BIVM: variants seen among roughly 807,000 people sequenced by gnomAD.
BIVM encodes the protein basic immunoglobulin-like variable motif-containing protein.
A neutral mutation model predicts 61.4 loss-of-function variants in BIVM; 31 were observed. That is an observed-to-expected ratio of 0.51 (90% CI 0.38 to 0.68). The LOEUF (loss-of-function observed/expected upper bound fraction) is 0.68. Among genes scored for constraint, BIVM ranks in the 30% least tolerant of loss-of-function variants. The pLI is 0.00. For synonymous variants in BIVM, 189 were observed against 210.7 expected, an observed-to-expected ratio of 0.90 and a Z score of 0.89; for missense variants, 526 against 596.0, an observed-to-expected ratio of 0.88 and a Z score of 1.22.
Position 102,807,507 on chromosome 13 carries a change from C to T in BIVM, c.240C>T (p.Thr80=). The T allele has an allele frequency of 6.2e-7, 1 of 1,614,172 alleles. No homozygotes were observed. The highest frequency in any genetic ancestry group is 8.5e-7 in the Non-Finnish European group (1 of 1,180,042). Residue 80 remains threonine (T), a synonymous_variant, in exon 3 of 11, where the codon ACC becomes ACT. Transcript: ENST00000257336. This position sits in a 1 kb window ranked among gnomAD's most constrained non-coding sequence, Gnocchi z 4.0. ...ACTATGCCTTTCTCAACCAGGCGACCTCAATCTATAAAACTCCAAATCCAT... is the reference window on the plus strand; with the variant it reads ...ACTATGCCTTTCTCAACCAGGCGACTTCAATCTATAAAACTCCAAATCCAT... The part of the protein sequence containing the change: ...CSDYAFLNQA[T]SIYKTPNPSR...
rs746839088 is a variant in BIVM at position 102,807,770 on chromosome 13, T to C, written c.478+25T>C. On this transcript the variant is annotated intron_variant, in intron 3 of 10. Coordinates refer to ENST00000257336, the MANE Select transcript of BIVM (RefSeq NM_017693.4). This position sits in a 1 kb window ranked among gnomAD's most constrained non-coding sequence, Gnocchi z 4.0. ...GGTAAGGAGGGAGCCATGAAGTTCA[T>C]ATGTGAAAATAATGAGAAAACAAAC... 8 of 1,567,850 alleles carry C rather than the reference T, an allele frequency of 5.1e-6. No homozygotes were observed. Among genetic ancestry groups the C allele is most frequent in the Non-Finnish European group, 1.7e-6 (2 of 1,159,084 alleles).
intron 3 of BIVM, among the ~76,000 whole-genome samples, chr13:102,809,198 A>G (rs1879312589): frequency 6.6e-6 from 1 of 152,208 alleles, no homozygotes; most frequent in Non-Finnish European, 1.5e-5. Context: ...CAGCTCACAA[A>G]TTTTGATATG....
intron 9 of BIVM, among the ~76,000 whole-genome samples, chr13:102,834,834 A>G (rs1881351790): frequency 6.6e-6 from 1 of 152,194 alleles, no homozygotes; most frequent in African/African-American, 2.4e-5. Flanking sequence ...TTTTTGCATC[A>G]ATATCTTAAG....
chr13:102,819,120 A>G (rs183214774), intron 4 of BIVM, among the ~76,000 whole-genome samples: 21 of 152,308 alleles, frequency 1.4e-4, no homozygotes, highest in Middle Eastern at 3.4e-3. Context: ...CTTGTCCACA[A>G]AGGTCTCTTA....
At chr13:102,833,288 T>C (rs1881225035) in intron 8 of BIVM, among the ~76,000 whole-genome samples, 1 of 148,534 alleles carries the variant, frequency 6.7e-6, no homozygotes, top group African/African-American at 2.5e-5. Context: ...CATGAGTACT[T>C]TGAGCAAAGG....
Position 102,839,555 on chromosome 13 carries a change from C to T in BIVM, c.1219-17C>T, listed in dbSNP as rs1881702151. On this transcript the variant is annotated splice_polypyrimidine_tract_variant and intron_variant, in intron 10 of 10. Coordinates refer to ENST00000257336, the MANE Select transcript of BIVM (RefSeq NM_017693.4). ...ATTTCCCTTTATTTTCTTCAGCCAA[C>T]ATTTTTTTCTTCTCAGGTTGGGGGA... 2 of 1,609,810 alleles carry T rather than the reference C, an allele frequency of 1.2e-6. No individual in the cohort carries two copies. The highest frequency in any genetic ancestry group is 1.3e-5 in the African/African-American group (1 of 74,576).
rs764716131 is a variant in BIVM, at chr13:102,816,558, A to C, written c.605+4A>C. The C allele has an allele frequency of 2.6e-6, 4 of 1,518,312 alleles. No homozygotes were observed. Among genetic ancestry groups the C allele is most frequent in the Non-Finnish European group, 3.5e-6 (4 of 1,140,614 alleles). The allele number at this position is 1,518,312 out of a possible 1,614,324, so 94.1% of individuals were successfully genotyped here. A position where few individuals can be genotyped will look rare whatever the true frequency, so the allele number is the denominator to read the frequency against. On this transcript the variant is annotated splice_donor_region_variant and intron_variant, in intron 4 of 10. Transcript: ENST00000257336. Reference sequence around the variant, plus strand: ...AAGTATTAGACCTCAGACGATGGTGATGTTATCAGTTTTTATTTTTTTCAT... The same window carrying C: ...AAGTATTAGACCTCAGACGATGGTGCTGTTATCAGTTTTTATTTTTTTCAT...
At position 102,815,126 on chromosome 13, in the gene BIVM, A is replaced by G. The variant is rs184432779; in HGVS notation, c.479-1302A>G. ...GTTTCTTGACTTTATAGTCTTCATT[A>G]TTATTACATTTTTACAGAAATTCCC... On this transcript the variant is annotated intron_variant, in intron 3 of 10. Coordinates refer to ENST00000257336, the MANE Select transcript of BIVM (RefSeq NM_017693.4). 2.6e-5 allele frequency among the ~76,000 whole-genome samples: 4 copies of G among 152,330 alleles called. No homozygotes were observed. The East Asian group carries it at 5.8e-4, about 22-fold the overall frequency.
Position 102,807,663 on chromosome 13 carries a change from C to T in BIVM, c.396C>T (p.Asn132=). Residue 132 remains asparagine (N), a synonymous_variant, in exon 3 of 11, where the codon AAC becomes AAT. Transcript: ENST00000257336. This position sits in a 1 kb window ranked among gnomAD's most constrained non-coding sequence, Gnocchi z 4.0. ...NEENSLENLS[N]SLGKLPLAWE... is the part of the protein sequence containing the mutation. ...AAAATAGCTTGGAAAACTTATCCAA[C>T]AGCCTGGGCAAGCTACCTCTCGCAT... 1.2e-6 allele frequency: 2 copies of T among 1,614,152 alleles called. No homozygotes were observed. Among genetic ancestry groups the T allele is most frequent in the Non-Finnish European group, 1.7e-6 (2 of 1,180,042 alleles).
intron 3 of BIVM, among the ~76,000 whole-genome samples, chr13:102,815,344 C>G (rs1181343636): frequency 6.6e-6 from 1 of 152,012 alleles, no homozygotes; most frequent in African/African-American, 2.4e-5. Flanking sequence ...TATAACAGAA[C>G]TGTTTTAAAA....
intron 3 of BIVM, among the ~76,000 whole-genome samples, chr13:102,811,803 G>A (rs1048351346): frequency 7.9e-5 from 12 of 152,222 alleles, no homozygotes; most frequent in Admixed American, 2.6e-4. Context: ...GATTACAGGC[G>A]TGAGCCACCG....
chr13:102,835,158 C>T (rs1304757277), intron 9 of BIVM, among the ~76,000 whole-genome samples: 1 of 152,000 alleles, frequency 6.6e-6, no homozygotes, highest in African/African-American at 2.4e-5. Flanking sequence ...GTGGGAGGAT[C>T]GCTTGAGCCC....
intron 9 of BIVM, among the ~76,000 whole-genome samples, chr13:102,835,225 A>T (rs571204711): frequency 6.6e-6 from 1 of 152,178 alleles, no homozygotes; most frequent in East Asian, 1.9e-4. Flanking sequence ...CAAAAAAATT[A>T]AAAAATGAGG....
chr13:102,799,775 A>G (rs1397663783), intron 1 of BIVM, among the ~76,000 whole-genome samples: 1 of 152,228 alleles, frequency 6.6e-6, no homozygotes, highest in Non-Finnish European at 1.5e-5. Flanking sequence ...AGTAGGGGGA[A>G]GAGCTGTGTC....
At chr13:102,832,570 C>T (rs972264634) in intron 8 of BIVM, among the ~76,000 whole-genome samples, 7 of 152,334 alleles carry the variant, frequency 4.6e-5, no homozygotes, top group African/African-American at 1.7e-4. Context: ...CACAGTGCCT[C>T]ATCCAACGTC....
chr13:102,801,506 G>C (rs376625795), intron 1 of BIVM: 1 of 152,172 alleles, frequency 6.6e-6, no homozygotes, highest in Admixed American at 6.5e-5. Context: ...ACCCGCCTCA[G>C]CCTCCCAAAG....
intron 7 of BIVM, among the ~76,000 whole-genome samples, chr13:102,829,478 A>G (rs1387248709): frequency 1.3e-5 from 2 of 152,160 alleles, no homozygotes; most frequent in Non-Finnish European, 2.9e-5. Context: ...AGCTTCCCTC[A>G]GTAATACATT....
At chr13:102,809,667 C>G (rs1879342281) in intron 3 of BIVM, among the ~76,000 whole-genome samples, 3 of 152,138 alleles carry the variant, frequency 2.0e-5, no homozygotes, top group African/African-American at 7.2e-5. Context: ...TGTCTAATAA[C>G]AGAAAATTTA....
chr13:102,838,351 T>C (rs1242942165), intron 9 of BIVM, among the ~76,000 whole-genome samples: 5 of 152,248 alleles, frequency 3.3e-5, no homozygotes, highest in African/African-American at 4.8e-5. Flanking sequence ...AAAGGAAATA[T>C]AGCATATTGC....
Sources: allele counts gnomAD v4.1 joint callset (sites outside exome capture counted in the v4.1 genomes callset), GRCh38; gene constraint gnomAD v4.1.1; non-coding constraint Gnocchi (gnomAD v3.1); transcripts MANE v1.5; gene names NCBI Gene and HGNC (gene_info 2026-07-23, HGNC 2026-07-21).